Variants in CAST observed in about 807,000 individuals in gnomAD.
The protein encoded by CAST is MIR583 host.
A neutral mutation model predicts 119.6 loss-of-function variants in CAST; 76 were observed. That is an observed-to-expected ratio of 0.64 (90% CI 0.53 to 0.77). The LOEUF (loss-of-function observed/expected upper bound fraction) is 0.77. Among genes scored for constraint, CAST ranks in the 30% least tolerant of loss-of-function variants. The probability of loss-of-function intolerance (pLI) is 0.00; values close to 1 mark genes in which losing one functional copy is unlikely to be tolerated. For missense variants in CAST, 953 were observed against 946.5 expected, an observed-to-expected ratio of 1.01 and a Z score of -0.09; for synonymous variants, 319 against 331.6, an observed-to-expected ratio of 0.96 and a Z score of 0.41.
At chr5:96,160,272 C>G in the CAST span, among the ~76,000 whole-genome samples, 1 of 152,116 alleles carries the variant, frequency 6.6e-6, no homozygotes, top group Non-Finnish European at 1.5e-5. Context: ...CTCTCCATTC[C>G]CCTCTCTTCA....
chr5:96,400,097 T>G, the CAST span: 1 of 1,614,170 alleles, frequency 6.2e-7, no homozygotes, highest in Admixed American at 1.7e-5. Context: ...GCCTGCTCCA[T>G]TCTTTTTCCA....
the CAST span, among the ~76,000 whole-genome samples, chr5:96,273,742 T>C: frequency 5.0e-3 from 768 of 152,310 alleles, 8 homozygotes; most frequent in African/African-American, 0.018. Flanking sequence ...GGAATTTCTT[T>C]ACACTCTTTC....
chr5:95,985,172 G>A, the CAST span, among the ~76,000 whole-genome samples: 1 of 152,002 alleles, frequency 6.6e-6, no homozygotes, highest in African/African-American at 2.4e-5. Context: ...AAATTAGCTG[G>A]GTGTAGTAGC....
the CAST span, among the ~76,000 whole-genome samples, chr5:96,452,189 C>T: frequency 6.6e-6 from 1 of 152,118 alleles, no homozygotes; most frequent in African/African-American, 2.4e-5. Context: ...GACATATGTA[C>T]ATGGATGTTT....
chr5:96,554,616 G>A (rs1209906131), intron 1 of CAST, among the ~76,000 whole-genome samples: 1 of 152,248 alleles, frequency 6.6e-6, no homozygotes, highest in Non-Finnish European at 1.5e-5. Context: ...GAGTGAACAG[G>A]CAACCTACAG....
chr5:96,043,221 T>A, the CAST span, among the ~76,000 whole-genome samples: 3 of 152,330 alleles, frequency 2.0e-5, no homozygotes, highest in East Asian at 5.8e-4. Flanking sequence ...TATGTTCTTC[T>A]GAAATTGTGA....
intron 1 of CAST, among the ~76,000 whole-genome samples, chr5:96,610,433 A>C (rs945757175): frequency 2.0e-5 from 3 of 152,258 alleles, no homozygotes; most frequent in African/African-American, 7.2e-5. Context: ...TGATTATCTC[A>C]ATAGATACGA....
At position 96,549,182 on chromosome 5, in the gene CAST, A is replaced by G. The variant is rs558983244; in HGVS notation, c.60+19302A>G. The stretch of plus-strand genomic sequence containing the variant: ...TAATTAACTGGCACAAGCACAAATG[A>G]TAAAATTCTGTGCTACTAGCACATG... On this transcript the variant is annotated intron_variant, in intron 1 of 11. Coordinates refer to the CAST transcript ENST00000505143. Among the ~76,000 whole-genome samples, 3 of 152,392 alleles carry G rather than the reference A, an allele frequency of 2.0e-5. No homozygotes were observed. The East Asian group carries it at 5.8e-4, about 29-fold the overall frequency.
the CAST span, among the ~76,000 whole-genome samples, chr5:96,231,693 T>C: frequency 4.2e-4 from 64 of 152,068 alleles, no homozygotes; most frequent in Non-Finnish European, 7.5e-4. Flanking sequence ...TGATATAATA[T>C]AAAAATAATT....
chr5:96,576,650 C>T (rs574550458), intron 1 of CAST, among the ~76,000 whole-genome samples: 13 of 152,112 alleles, frequency 8.5e-5, no homozygotes, highest in Non-Finnish European at 1.8e-4. Context: ...TGACATATAT[C>T]TAAAGATTTT....
At chr5:96,140,179 T>A in the CAST span, among the ~76,000 whole-genome samples, 9 of 152,136 alleles carry the variant, frequency 5.9e-5, no homozygotes, top group Non-Finnish European at 1.0e-4. Context: ...GGGGAGAGGA[T>A]TTAATTGGGA....
chr5:96,744,387 T>C (rs1005292669), intron 16 of CAST, among the ~76,000 whole-genome samples: 1 of 152,222 alleles, frequency 6.6e-6, no homozygotes, highest in Admixed American at 6.5e-5. Context: ...TGGAGGAAAG[T>C]AAAAGAGCAT....
At chr5:96,692,721 ACT>A (rs1193845941) in intron 2 of CAST, among the ~76,000 whole-genome samples, 2 of 151,986 alleles carry the variant, frequency 1.3e-5, no homozygotes, top group Non-Finnish European at 2.9e-5. Flanking sequence ...TGAGCCAATC[ACT>A]CTCTGTTACC....
chr5:96,004,515 A>G, the CAST span, among the ~76,000 whole-genome samples: 4 of 152,196 alleles, frequency 2.6e-5, no homozygotes, highest in African/African-American at 4.8e-5. Flanking sequence ...AACCAGTCCT[A>G]TGCTGGTAAT....
chr5:96,458,452 A>C, the CAST span, among the ~76,000 whole-genome samples: 1 of 152,212 alleles, frequency 6.6e-6, no homozygotes, highest in Non-Finnish European at 1.5e-5. Context: ...ATGGAGGAGG[A>C]GGGTAAACAC....
At chr5:96,157,061 T>G in the CAST span, among the ~76,000 whole-genome samples, 5,658 of 152,364 alleles carry the variant, frequency 0.037, 261 homozygotes, top group African/African-American at 0.1. Context: ...GTTTTTTAAA[T>G]AGTTATTTGT....
intron 1 of CAST, among the ~76,000 whole-genome samples, chr5:96,616,872 G>C (rs1349132077): frequency 6.6e-6 from 1 of 151,278 alleles, no homozygotes; most frequent in Non-Finnish European, 1.5e-5. Context: ...AAAAATTTTT[G>C]GTAGTGGGTT....
the CAST span, among the ~76,000 whole-genome samples, chr5:96,162,997 T>C: frequency 6.6e-6 from 1 of 152,244 alleles, no homozygotes; most frequent in Non-Finnish European, 1.5e-5. Flanking sequence ...CAATGTTTAG[T>C]AGAATTCAGC....
At chr5:96,264,537 G>C in the CAST span, among the ~76,000 whole-genome samples, 1 of 152,332 alleles carries the variant, frequency 6.6e-6, no homozygotes, top group African/African-American at 2.4e-5. Context: ...AGCATTAAGT[G>C]TGTCTCCATG....
Sources: allele counts gnomAD v4.1 joint callset (sites outside exome capture counted in the v4.1 genomes callset), GRCh38; gene constraint gnomAD v4.1.1; transcripts MANE v1.5; gene names NCBI Gene and HGNC (gene_info 2026-07-23, HGNC 2026-07-21).